PARD3B: variants seen among roughly 807,000 people sequenced by gnomAD.
PARD3B encodes the protein par-3 family cell polarity regulator beta, also known as partitioning defective 3 homolog B.
PARD3B carries 103 observed loss-of-function variants against 130.2 expected under a neutral mutation model. The ratio of observed to expected loss-of-function variants is 0.79; its 90% CI spans 0.67 to 0.93. The LOEUF (loss-of-function observed/expected upper bound fraction) is 0.93. Among genes scored for constraint, PARD3B ranks in the 40% least tolerant of loss-of-function variants. PARD3B has a pLI of 0.00. For synonymous variants in PARD3B, 583 were observed against 553.2 expected (o/e 1.05, Z -0.76); for missense variants, 1,609 against 1,499.2 (o/e 1.07, Z -1.21).
At chr2:204,702,112 A>G (rs1236516664) in intron 2 of PARD3B, among the ~76,000 whole-genome samples, 1 of 152,180 alleles carries the variant, frequency 6.6e-6, no homozygotes, top group African/African-American at 2.4e-5. Context: ...TCTATGGGAT[A>G]TATGTACCAC....
At chr2:204,911,995 TTAAA>T (rs1196645820) in intron 2 of PARD3B, among the ~76,000 whole-genome samples, 2 of 115,714 alleles carry the variant, frequency 1.7e-5, no homozygotes, top group Admixed American at 1.5e-4. Context: ...TAAGAAATAT[TTAAA>T]CAAACATGTT....
At chr2:204,858,499 T>TAA (rs554680233) in intron 2 of PARD3B, among the ~76,000 whole-genome samples, 11 of 117,124 alleles carry the variant, frequency 9.4e-5, no homozygotes, top group South Asian at 2.7e-4. Context: ...ATGTGGAATC[T>TAA]AAAAAAAAAA....
intron 3 of PARD3B, among the ~76,000 whole-genome samples, chr2:205,040,415 A>G (rs865810439): frequency 1.3e-5 from 2 of 152,208 alleles, no homozygotes; most frequent in African/African-American, 4.8e-5. Flanking sequence ...TAATGGTTAG[A>G]AGGAAAGTTT....
intron 1 of PARD3B, among the ~76,000 whole-genome samples, chr2:204,580,833 C>T (rs1478868050): frequency 6.6e-6 from 1 of 152,136 alleles, no homozygotes; most frequent in Non-Finnish European, 1.5e-5. Flanking sequence ...ACAATTAATC[C>T]CTTCCTTGGA....
intron 22 of PARD3B, among the ~76,000 whole-genome samples, chr2:205,567,383 C>T (rs1362327078): frequency 2.3e-5 from 3 of 129,394 alleles, no homozygotes; most frequent in African/African-American, 8.5e-5. Flanking sequence ...GGCACGATCT[C>T]GGCTCACTGC....
chr2:204,847,492 C>A (rs1423776783), intron 2 of PARD3B, among the ~76,000 whole-genome samples: 1 of 152,020 alleles, frequency 6.6e-6, no homozygotes, highest in Non-Finnish European at 1.5e-5. Flanking sequence ...TATCTGTGGC[C>A]CTAAAATATG....
chr2:205,221,456 G>A (rs1287230919), intron 15 of PARD3B, among the ~76,000 whole-genome samples: 1 of 152,190 alleles, frequency 6.6e-6, no homozygotes, highest in Non-Finnish European at 1.5e-5. Context: ...CGGTTCAGCT[G>A]CCAGGAAAGC....
At chr2:205,157,917 T>C (rs1023610875) in intron 10 of PARD3B, among the ~76,000 whole-genome samples, 31 of 152,180 alleles carry the variant, frequency 2.0e-4, no homozygotes, top group African/African-American at 7.0e-4. Context: ...AACCACATAC[T>C]TCTCCCTGGA....
At chr2:205,500,945 C>T (rs1053244677) in intron 21 of PARD3B, among the ~76,000 whole-genome samples, 3 of 152,108 alleles carry the variant, frequency 2.0e-5, no homozygotes, top group Non-Finnish European at 4.4e-5. Context: ...CTGTTATCCC[C>T]GGTGCCCATG....
chr2:205,282,104 G>C (rs1283030876), intron 16 of PARD3B, among the ~76,000 whole-genome samples: 1 of 152,026 alleles, frequency 6.6e-6, no homozygotes, highest in African/African-American at 2.4e-5. Context: ...AGCAAAGAAT[G>C]ATCATTTCAC....
At chr2:204,930,529 G>T (rs1687953545) in intron 2 of PARD3B, among the ~76,000 whole-genome samples, 1 of 151,992 alleles carries the variant, frequency 6.6e-6, no homozygotes, top group Non-Finnish European at 1.5e-5. Context: ...ACTATATTTT[G>T]TACTCACTAA....
chr2:204,782,400 T>G (rs116335316), intron 2 of PARD3B, among the ~76,000 whole-genome samples: 6,708 of 151,608 alleles, frequency 0.044, 206 homozygotes, highest in East Asian at 0.17. Flanking sequence ...TGTTATATAT[T>G]CATGTCACAT....
intron 2 of PARD3B, among the ~76,000 whole-genome samples, chr2:204,756,466 A>C (rs1298759358): frequency 6.6e-6 from 1 of 152,194 alleles, no homozygotes; most frequent in Non-Finnish European, 1.5e-5. Flanking sequence ...TGAATAAATA[A>C]ATCGAATAGC....
intron 2 of PARD3B, among the ~76,000 whole-genome samples, chr2:204,961,093 A>G (rs1275469181): frequency 6.6e-6 from 1 of 152,158 alleles, no homozygotes; most frequent in Non-Finnish European, 1.5e-5. Context: ...CAGAAATGGA[A>G]CAGGAGCAAG....
At chr2:205,039,083 T>A (rs1031613292) in intron 3 of PARD3B, among the ~76,000 whole-genome samples, 1 of 152,104 alleles carries the variant, frequency 6.6e-6, no homozygotes, top group African/African-American at 2.4e-5. Flanking sequence ...TTTTTTTTTT[T>A]ATGGGTCTCC....
intron 2 of PARD3B, among the ~76,000 whole-genome samples, chr2:204,702,082 T>C (rs2037922372): frequency 6.6e-6 from 1 of 152,188 alleles, no homozygotes; most frequent in South Asian, 2.1e-4. Flanking sequence ...TTTTATTCTT[T>C]TTTATGGCTG....
At chr2:205,228,716 C>G (rs1188691144) in intron 15 of PARD3B, among the ~76,000 whole-genome samples, 1 of 152,128 alleles carries the variant, frequency 6.6e-6, no homozygotes. Flanking sequence ...CTCTCTCTGC[C>G]TCCTCTTTAA....
chr2:205,166,603 G>A (rs912376153), intron 11 of PARD3B, among the ~76,000 whole-genome samples: 1 of 152,164 alleles, frequency 6.6e-6, no homozygotes, highest in Non-Finnish European at 1.5e-5. Flanking sequence ...GAAGGTAAAT[G>A]ATTTCAATCT....
At chr2:205,429,560 T>C (rs953766105) in intron 19 of PARD3B, among the ~76,000 whole-genome samples, 4 of 152,202 alleles carry the variant, frequency 2.6e-5, no homozygotes, top group Non-Finnish European at 4.4e-5. Context: ...GTTTGTCTCC[T>C]TAGCATTACT....
Sources: allele counts gnomAD v4.1 joint callset (sites outside exome capture counted in the v4.1 genomes callset), GRCh38; gene constraint gnomAD v4.1.1; transcripts MANE v1.5; gene names NCBI Gene and HGNC (gene_info 2026-07-23, HGNC 2026-07-21).